Variants in LIN7A observed in about 807,000 individuals in gnomAD.
LIN7A encodes the protein lin-7 cell polarity scaffold A, also known as protein lin-7 homolog A.
Under a neutral mutation model 29.8 loss-of-function variants are expected in LIN7A, and 25 were observed. The ratio of observed to expected loss-of-function variants is 0.84; its 90% CI spans 0.61 to 1.17. The LOEUF (loss-of-function observed/expected upper bound fraction) is 1.17. Among genes scored for constraint, LIN7A ranks in the 50% most tolerant of loss-of-function variants. The pLI is 0.00. For missense variants in LIN7A, 239 were observed against 287.0 expected, an observed-to-expected ratio of 0.83 and a Z score of 1.21; for synonymous variants, 118 against 107.5, an observed-to-expected ratio of 1.10 and a Z score of -0.60.
chr12:80,904,976 T>C (rs1469474576), intron 1 of LIN7A, among the ~76,000 whole-genome samples: 1 of 152,200 alleles, frequency 6.6e-6, no homozygotes, highest in Non-Finnish European at 1.5e-5. Context: ...TTTTGCTCCA[T>C]GATCATTTAC....
chr12:80,833,897 C>T (rs184033472), intron 4 of LIN7A, among the ~76,000 whole-genome samples: 9 of 152,238 alleles, frequency 5.9e-5, no homozygotes, highest in East Asian at 1.9e-4. Flanking sequence ...TGGCAATAAC[C>T]GGCTAGAATT....
intron 2 of LIN7A, among the ~76,000 whole-genome samples, chr12:80,875,567 A>G (rs1874643711): frequency 6.6e-6 from 1 of 152,212 alleles, no homozygotes; most frequent in African/African-American, 2.4e-5. Context: ...TTAATGTAAG[A>G]TGTTATTCTG....
At chr12:80,889,779 C>T (rs1297415531) in intron 1 of LIN7A, among the ~76,000 whole-genome samples, 2 of 152,076 alleles carry the variant, frequency 1.3e-5, no homozygotes, top group African/African-American at 4.8e-5. Flanking sequence ...ACATGTATTA[C>T]TATGATTAAT....
chr12:80,907,053 C>CTGTGTGTGTGTGTGTGTGTGTG (rs1491359652), intron 1 of LIN7A, among the ~76,000 whole-genome samples: 8 of 133,014 alleles, frequency 6.0e-5, no homozygotes, highest in East Asian at 2.4e-4. Flanking sequence ...AGAGTGCGTG[C>CTGTGTGTGTGTGTGTGTGTGTG]TCTGTGTGTG....
At chr12:80,900,403 C>T (rs895597004) in intron 1 of LIN7A, among the ~76,000 whole-genome samples, 16 of 152,108 alleles carry the variant, frequency 1.1e-4, no homozygotes, top group African/African-American at 3.9e-4. Flanking sequence ...GGCATTTAGC[C>T]CTATAAAATT....
chr12:80,846,499 A>G (rs1873085921), intron 3 of LIN7A, among the ~76,000 whole-genome samples: 1 of 152,182 alleles, frequency 6.6e-6, no homozygotes, highest in South Asian at 2.1e-4. Flanking sequence ...TAACTTTTTT[A>G]AAAAATTAAG....
intron 1 of LIN7A, among the ~76,000 whole-genome samples, chr12:80,899,776 T>C (rs1177218163): frequency 7.7e-6 from 1 of 130,658 alleles, no homozygotes; most frequent in East Asian, 2.1e-4. Flanking sequence ...TTTTCTTTTT[T>C]TTTTTTTTTT....
intron 4 of LIN7A, among the ~76,000 whole-genome samples, chr12:80,832,009 C>G (rs1424866045): frequency 2.6e-5 from 4 of 152,168 alleles, no homozygotes; most frequent in Non-Finnish European, 5.9e-5. Flanking sequence ...AGACAGCATT[C>G]AGGTACCCTG....
At chr12:80,824,758 G>A (rs1324882614) in intron 4 of LIN7A, among the ~76,000 whole-genome samples, 6 of 152,074 alleles carry the variant, frequency 3.9e-5, no homozygotes, top group East Asian at 1.9e-4. Context: ...AATTAAAAAC[G>A]AAAATCACAT....
chr12:80,931,793 C>A (rs906960715), intron 1 of LIN7A, among the ~76,000 whole-genome samples: 1 of 152,068 alleles, frequency 6.6e-6, no homozygotes, highest in Non-Finnish European at 1.5e-5. Context: ...AGCAAGCAAG[C>A]GCTTACTTGT....
At chr12:80,826,852 T>G (rs1872104789) in intron 4 of LIN7A, among the ~76,000 whole-genome samples, 1 of 152,104 alleles carries the variant, frequency 6.6e-6, no homozygotes, top group Non-Finnish European at 1.5e-5. Context: ...TGCCCTTGCT[T>G]AAAATCTATT....
At chr12:80,816,103 A>G (rs1280798441) in intron 4 of LIN7A, among the ~76,000 whole-genome samples, 1 of 152,208 alleles carries the variant, frequency 6.6e-6, no homozygotes, top group Non-Finnish European at 1.5e-5. Context: ...AACAATAAAC[A>G]TAAAGATTAA....
chr12:80,841,398 AGGAAGGAAGGAG>A lies in LIN7A; in HGVS notation c.483+4320_483+4331del, dbSNP rs1007364924. Among the ~76,000 whole-genome samples, 41 of 139,286 alleles carry A rather than the reference AGGAAGGAAGGAG, an allele frequency of 2.9e-4. No individual in the cohort carries two copies. The South Asian group carries it at 8.7e-3, about 29-fold the overall frequency. The allele number at this position is 139,286 out of a possible 152,430, so 91.4% of individuals were successfully genotyped here. On this transcript the variant is annotated intron_variant, in intron 4 of 5. Coordinates refer to ENST00000552864, the MANE Select transcript of LIN7A (RefSeq NM_004664.4). Reference sequence around the variant, plus strand: ...AAGGAAGGAAGGAAGGAAGGAAGGAAGGAAGGAAGGAGGGAAAGAAAGTACGAACAGCACCCT... The same window carrying A: ...AAGGAAGGAAGGAAGGAAGGAAGGAAGGAAAGAAAGTACGAACAGCACCCT...
intron 1 of LIN7A, among the ~76,000 whole-genome samples, chr12:80,895,768 ATATAAT>A (rs1875856417): frequency 1.3e-5 from 2 of 152,138 alleles, no homozygotes; most frequent in South Asian, 4.1e-4. Context: ...CTTTTGACAG[ATATAAT>A]GCCTTGAAGT....
intron 1 of LIN7A, among the ~76,000 whole-genome samples, chr12:80,935,209 G>A (rs760826429): frequency 1.5e-4 from 23 of 152,050 alleles, no homozygotes; most frequent in Non-Finnish European, 5.9e-5. Context: ...CTTCCCTCAC[G>A]GAGTTCTATC....
chr12:80,822,312 C>T (rs1198541989), intron 4 of LIN7A, among the ~76,000 whole-genome samples: 1 of 152,128 alleles, frequency 6.6e-6, no homozygotes, highest in East Asian at 1.9e-4. Flanking sequence ...AATCCTAGCA[C>T]TTTGGGAGGC....
intron 3 of LIN7A, among the ~76,000 whole-genome samples, chr12:80,846,653 A>G (rs1042271417): frequency 6.6e-6 from 1 of 152,308 alleles, no homozygotes; most frequent in Middle Eastern, 3.4e-3. Flanking sequence ...ATACATTAAT[A>G]TTTCAATTAT....
intron 4 of LIN7A, among the ~76,000 whole-genome samples, chr12:80,837,211 T>C (rs753903087): frequency 6.0e-4 from 91 of 152,314 alleles, no homozygotes; most frequent in East Asian, 5.8e-4. Flanking sequence ...TCTAGATTTA[T>C]GATATTTACA....
chr12:80,894,246 G>A (rs1208703220), intron 1 of LIN7A, among the ~76,000 whole-genome samples: 5 of 152,146 alleles, frequency 3.3e-5, no homozygotes, highest in Non-Finnish European at 7.3e-5. Context: ...ATTAGTAACA[G>A]AGAAGTTTGC....
Sources: gnomAD v4.1 joint callset for allele counts (sites outside exome capture counted in the v4.1 genomes callset) on GRCh38, gnomAD v4.1.1 for gene constraint, MANE v1.5 for transcripts, NCBI Gene and HGNC (gene_info 2026-07-23, HGNC 2026-07-21) for gene names.